B3GALT1: variants seen among roughly 807,000 people sequenced by gnomAD.
The protein encoded by B3GALT1 is UDP-Gal:betaGlcNAc beta 1,3-galactosyltransferase, polypeptide 1.
In B3GALT1, 10 loss-of-function variants were observed where a neutral mutation model predicts 23.2. The ratio of observed to expected loss-of-function variants is 0.43; its 90% CI spans 0.27 to 0.73. B3GALT1 has a LOEUF of 0.73. Ranked by LOEUF, B3GALT1 falls within the 30% of genes least tolerant of loss-of-function variation. B3GALT1 has a pLI of 0.21. For synonymous variants in B3GALT1, 156 were observed against 141.5 expected (o/e 1.10, Z -0.73); for missense variants, 299 against 405.4 (o/e 0.74, Z 2.25).
chr2:167,847,806 C>G (rs1258428885), intron 4 of B3GALT1, among the ~76,000 whole-genome samples: 1 of 151,922 alleles, frequency 6.6e-6, no homozygotes, highest in Non-Finnish European at 1.5e-5. Flanking sequence ...AAACAAAAAG[C>G]TGGTTCTTTC....
rs1470658912 is a variant in B3GALT1 at position 167,371,350 on chromosome 2, A to T, written c.-511+78016A>T. Reference sequence around the variant, plus strand: ...AAATTACAAAATAGGCCCCTGTACTAAGGAGTATATTGCTAAAATGGCAAC... The same window carrying T: ...AAATTACAAAATAGGCCCCTGTACTTAGGAGTATATTGCTAAAATGGCAAC... On this transcript the variant is annotated intron_variant, in intron 1 of 4. Coordinates refer to ENST00000392690, the MANE Select transcript of B3GALT1 (RefSeq NM_020981.4). Among the ~76,000 whole-genome samples, 3 of 152,192 alleles carry T rather than the reference A, an allele frequency of 2.0e-5. No individual in the cohort carries two copies. The South Asian group carries it at 6.2e-4, about 32-fold the overall frequency.
intron 2 of B3GALT1, among the ~76,000 whole-genome samples, chr2:167,495,395 A>G (rs1699769667): frequency 7.5e-6 from 1 of 132,786 alleles, no homozygotes; most frequent in Non-Finnish European, 1.5e-5. Context: ...GTGCAATGTC[A>G]CAATCTCAGC....
intron 3 of B3GALT1, among the ~76,000 whole-genome samples, chr2:167,754,081 CT>C: frequency 1.3e-5 from 2 of 152,254 alleles, no homozygotes; most frequent in South Asian, 4.1e-4. Context: ...CCTTATTGAT[CT>C]TCTATGAAAA....
intron 1 of B3GALT1, among the ~76,000 whole-genome samples, chr2:167,447,733 T>C (rs1372911147): frequency 6.6e-6 from 1 of 152,142 alleles, no homozygotes; most frequent in African/African-American, 2.4e-5. Context: ...AGGGTGGAAG[T>C]GACCCGATTT....
At position 167,768,017 on chromosome 2, in the gene B3GALT1, G is replaced by A. The variant is rs72876893; in HGVS notation, c.-351-50655G>A. On this transcript the variant is annotated intron_variant, in intron 3 of 4. Transcript: ENST00000392690. ...ATTGATGTCCCAGCTCAAGCAGTCAGGCAGACAGAGAAATCAACCTTCCCC... is the reference window on the plus strand; with the variant it reads ...ATTGATGTCCCAGCTCAAGCAGTCAAGCAGACAGAGAAATCAACCTTCCCC... Among the ~76,000 whole-genome samples the A allele has an allele frequency of 8.3e-4, 126 of 152,104 alleles. 1 individual carries two copies. The South Asian group carries it at 0.011, about 13-fold the overall frequency.
chr2:167,461,421 G>A (rs1203513588), intron 1 of B3GALT1, among the ~76,000 whole-genome samples: 1 of 152,098 alleles, frequency 6.6e-6, no homozygotes, highest in Non-Finnish European at 1.5e-5. Flanking sequence ...TTCTAGGTGG[G>A]GAGACAGATT....
intron 2 of B3GALT1, among the ~76,000 whole-genome samples, chr2:167,559,678 T>C (rs191041678): frequency 0.011 from 1,726 of 152,124 alleles, 27 homozygotes; most frequent in African/African-American, 0.039. Flanking sequence ...CAGGACCCAG[T>C]GCGATCAACT....
intron 3 of B3GALT1, among the ~76,000 whole-genome samples, chr2:167,784,228 G>T (rs1055342449): frequency 6.6e-6 from 1 of 152,202 alleles, no homozygotes; most frequent in African/African-American, 2.4e-5. Context: ...CACTGCATCT[G>T]CAGATTGCTG....
intron 1 of B3GALT1, among the ~76,000 whole-genome samples, chr2:167,484,463 C>T (rs377239313): frequency 6.6e-5 from 10 of 152,078 alleles, no homozygotes; most frequent in African/African-American, 2.2e-4. Context: ...TACAGGCAGG[C>T]GTCAATCAAT....
intron 2 of B3GALT1, among the ~76,000 whole-genome samples, chr2:167,494,496 AAAAT>A (rs1212999331): frequency 1.3e-5 from 2 of 152,126 alleles, no homozygotes; most frequent in African/African-American, 4.8e-5. Flanking sequence ...AGAAGTATCT[AAAAT>A]AAAACTATGT....
At chr2:167,493,671 G>A (rs895195328) in intron 2 of B3GALT1, among the ~76,000 whole-genome samples, 9 of 152,160 alleles carry the variant, frequency 5.9e-5, no homozygotes, top group Non-Finnish European at 1.2e-4. Flanking sequence ...CAGTGCAGGA[G>A]GGTTGGGTGG....
At chr2:167,403,082 T>G (rs1698218194) in intron 1 of B3GALT1, among the ~76,000 whole-genome samples, 3 of 151,816 alleles carry the variant, frequency 2.0e-5, no homozygotes, top group South Asian at 4.2e-4. Flanking sequence ...AACGTGCAGG[T>G]TGCATAGGTA....
At chr2:167,690,599 T>C (rs1399185718) in intron 3 of B3GALT1, among the ~76,000 whole-genome samples, 1 of 152,138 alleles carries the variant, frequency 6.6e-6, no homozygotes, top group Non-Finnish European at 1.5e-5. Flanking sequence ...TGTGACTCCA[T>C]TTTCAAACAA....
chr2:167,528,228 A>G (rs185436731), intron 2 of B3GALT1, among the ~76,000 whole-genome samples: 4 of 152,248 alleles, frequency 2.6e-5, no homozygotes, highest in East Asian at 1.9e-4. Context: ...TTGTGCTTCA[A>G]GCATCCTGGG....
chr2:167,667,762 C>T (rs181812545), intron 3 of B3GALT1, among the ~76,000 whole-genome samples: 2 of 152,350 alleles, frequency 1.3e-5, no homozygotes, highest in African/African-American at 4.8e-5. Context: ...CTTCTGCATT[C>T]TTCACGTAGT....
At chr2:167,830,423 G>A (rs978826205) in intron 4 of B3GALT1, among the ~76,000 whole-genome samples, 5 of 151,554 alleles carry the variant, frequency 3.3e-5, no homozygotes, top group Admixed American at 6.6e-5. Context: ...ACGTGCAAAT[G>A]TTCCCCAGCC....
chr2:167,655,674 G>A (rs1685944226), intron 3 of B3GALT1, among the ~76,000 whole-genome samples: 1 of 152,134 alleles, frequency 6.6e-6, no homozygotes, highest in Non-Finnish European at 1.5e-5. Flanking sequence ...TGGTACAGAT[G>A]GGAGGCTAAC....
chr2:167,865,895 G>A (rs1438695261), intron 4 of B3GALT1, among the ~76,000 whole-genome samples: 1 of 152,108 alleles, frequency 6.6e-6, no homozygotes, highest in Admixed American at 6.5e-5. Flanking sequence ...TCACAGATGG[G>A]TAACTAGCTA....
intron 2 of B3GALT1, among the ~76,000 whole-genome samples, chr2:167,618,000 T>G (rs1685190613): frequency 6.6e-6 from 1 of 152,094 alleles, no homozygotes; most frequent in Admixed American, 6.6e-5. Flanking sequence ...TGGCTTTCTC[T>G]TACTTTAGTT....
Sources: gnomAD v4.1 joint callset for allele counts (sites outside exome capture counted in the v4.1 genomes callset) on GRCh38, gnomAD v4.1.1 for gene constraint, MANE v1.5 for transcripts, NCBI Gene and HGNC (gene_info 2026-07-23, HGNC 2026-07-21) for gene names.